FKBP9: variants seen among roughly 807,000 people sequenced by gnomAD.
The protein encoded by FKBP9 is peptidyl-prolyl cis-trans isomerase FKBP9.
In FKBP9, 27 loss-of-function variants were observed where a neutral mutation model predicts 55.6. That is an observed-to-expected ratio of 0.49 (90% CI 0.36 to 0.67). FKBP9 has a LOEUF of 0.67. FKBP9 is among the 30% of genes least tolerant of loss of function. FKBP9 has a pLI of 0.00. For missense variants in FKBP9, 539 were observed against 742.8 expected, an observed-to-expected ratio of 0.73 and a Z score of 3.19; for synonymous variants, 267 against 296.5, an observed-to-expected ratio of 0.90 and a Z score of 1.02.
At chr7:32,999,804 A>T (rs1372240522) in intron 7 of FKBP9, among the ~76,000 whole-genome samples, 1 of 152,076 alleles carries the variant, frequency 6.6e-6, no homozygotes, top group Non-Finnish European at 1.5e-5. Context: ...GTGCAGGGGC[A>T]CGATCCTGGC....
intron 4 of FKBP9, among the ~76,000 whole-genome samples, chr7:32,977,863 A>ATATATATACACT (rs1169334149): frequency 1.2e-4 from 15 of 127,024 alleles, no homozygotes; most frequent in African/African-American, 4.2e-4. Flanking sequence ...ATATATATAT[A>ATATATATACACT]CATGCCCATA....
At chr7:32,971,023 C>G (rs920711811) in intron 1 of FKBP9, among the ~76,000 whole-genome samples, 7 of 150,608 alleles carry the variant, frequency 4.6e-5, no homozygotes, top group African/African-American at 1.7e-4. Context: ...GTGCACAACC[C>G]CATTATTAAA....
In FKBP9 at chr7:32,957,593, GGCCCCCGCC is replaced by G; in HGVS notation, c.24_32del (p.Pro10_Pro12del). 6.8e-7 allele frequency: 1 copy of G among 1,473,028 alleles called. No individual in the cohort carries two copies. The highest frequency in any genetic ancestry group is 8.9e-7 in the Non-Finnish European group (1 of 1,121,106). The allele number at this position is 1,473,028 out of a possible 1,614,324, so 91.2% of individuals were successfully genotyped here. A position where few individuals can be genotyped will look rare whatever the true frequency, so the allele number is the denominator to read the frequency against. ...GCCCCGATGGCGTTCCGGGGCTGGA[GGCCCCCGCC>G]GCCACCGCTGCTCCTGCTGCTGCTC... On this transcript the variant is annotated inframe_deletion, in exon 1 of 10. Coordinates refer to ENST00000242209, the MANE Select transcript of FKBP9 (RefSeq NM_007270.5).
chr7:32,994,853 C>T (rs916800402), intron 6 of FKBP9: 10 of 179,246 alleles, frequency 5.6e-5, no homozygotes, highest in Non-Finnish European at 7.2e-5. Context: ...CAGAAAAGTA[C>T]GTGTTGGGAC....
chr7:32,978,197 C>T (rs1784403134), intron 4 of FKBP9, among the ~76,000 whole-genome samples: 2 of 151,818 alleles, frequency 1.3e-5, no homozygotes, highest in African/African-American at 2.4e-5. Flanking sequence ...GCTGGGATTA[C>T]AGGTGTGAAC....
intron 4 of FKBP9, chr7:32,979,478 AGAT>A (rs1399653114): frequency 6.5e-7 from 1 of 1,534,448 alleles, no homozygotes. Context: ...GATGGGAAGG[AGAT>A]GCAGGGTGGG....
At chr7:32,979,508 T>C in intron 4 of FKBP9, 1 of 1,550,448 alleles carries the variant, frequency 6.4e-7, no homozygotes, top group South Asian at 1.2e-5. Context: ...CAAAGGCCAG[T>C]GGAAGGAGCT....
Position 32,957,465 on chromosome 7 carries a change from G to T in FKBP9, c.-109G>T, listed in dbSNP as rs923976839. The T allele has an allele frequency of 6.2e-6, 5 of 809,842 alleles. No individual in the cohort carries two copies. Among genetic ancestry groups the T allele is most frequent in the African/African-American group, 1.8e-5 (1 of 55,144 alleles). The allele number at this position is 809,842 out of a possible 1,614,324, so 50.2% of individuals were successfully genotyped here. On this transcript the variant is annotated 5_prime_UTR_variant, in exon 1 of 10. Transcript: ENST00000242209. Reference sequence around the variant, plus strand: ...GAGACGGGGTGGCGGCTGCAGCCCGGGTAGGGCCAGGAGACCCGGTCCACG... The same window carrying T: ...GAGACGGGGTGGCGGCTGCAGCCCGTGTAGGGCCAGGAGACCCGGTCCACG...
chr7:32,996,138 T>A, intron 6 of FKBP9, 25 bp from the exon 7 acceptor site: 5 of 1,610,946 alleles, frequency 3.1e-6, no homozygotes, highest in Non-Finnish European at 4.2e-6. Flanking sequence ...GGGTCATTCA[T>A]TAATTCCCCG....
intron 6 of FKBP9, 33 bp downstream of exon 6, chr7:32,988,685 G>C: frequency 6.2e-7 from 1 of 1,607,892 alleles, no homozygotes; most frequent in Non-Finnish European, 8.5e-7. Context: ...TTCCTCACTA[G>C]CTGTGGCTGC....
chr7:32,989,804 G>A (rs1226429516), intron 6 of FKBP9, among the ~76,000 whole-genome samples: 2 of 152,020 alleles, frequency 1.3e-5, no homozygotes, highest in South Asian at 4.1e-4. Flanking sequence ...GAACCTGTGA[G>A]TATGTTACCT....
intron 7 of FKBP9, among the ~76,000 whole-genome samples, chr7:32,997,572 G>A (rs1358721235): frequency 4.6e-5 from 7 of 152,346 alleles, no homozygotes; most frequent in Non-Finnish European, 8.8e-5. Flanking sequence ...GCTCATGCCT[G>A]TAATCCTAGC....
intron 1 of FKBP9, among the ~76,000 whole-genome samples, chr7:32,969,143 TC>T (rs1784206229): frequency 1.3e-5 from 2 of 152,224 alleles, no homozygotes; most frequent in South Asian, 2.1e-4. Context: ...TAGATATTAA[TC>T]CCTTATCATA....
rs556603690 is a variant in FKBP9, at chr7:32,994,947, A to G, written c.1040-1216A>G. ...TGTGTTATTCTCTTGAATAAGTAAT[A>G]TCATGTCTGAATTTTTCATTTCTTT... On this transcript the variant is annotated intron_variant, in intron 6 of 9. Transcript: ENST00000242209. 3 of 168,206 alleles carry G rather than the reference A, an allele frequency of 1.8e-5. No individual in the cohort carries two copies. In the South Asian group the frequency reaches 6.0e-4, roughly 34 times the overall value. 10.4% of individuals were successfully genotyped at this position (168,206 alleles called of 1,614,324 possible).
In FKBP9 at chr7:32,999,770, T is replaced by A. The variant is rs144607447; in HGVS notation, c.1227-345T>A. ...TCTTGTTTTTGTTTTTGAGACAGAG[T>A]CTCACTCTGTCTCACAGGCTGGAGT... On this transcript the variant is annotated intron_variant, in intron 7 of 9. Transcript: ENST00000242209. Among the ~76,000 whole-genome samples the A allele has an allele frequency of 2.3e-3, 351 of 152,014 alleles. 1 individual carries two copies. The highest frequency in any genetic ancestry group is 8.1e-3 in the African/African-American group (336 of 41,458).
At chr7:32,967,713 G>A (rs1013419047) in intron 1 of FKBP9, among the ~76,000 whole-genome samples, 23 of 152,260 alleles carry the variant, frequency 1.5e-4, no homozygotes, top group African/African-American at 4.8e-4. Context: ...TATCTGAGTT[G>A]TTGTTTTGTT....
chr7:32,987,256 G>A (rs1784597788), intron 5 of FKBP9, among the ~76,000 whole-genome samples: 1 of 152,178 alleles, frequency 6.6e-6, no homozygotes, highest in African/African-American at 2.4e-5. Context: ...CACACTTTCG[G>A]AGGCCAGGGC....
chr7:32,963,822 G>A (rs963480307), intron 1 of FKBP9: 12 of 1,153,368 alleles, frequency 1.0e-5, no homozygotes, highest in Admixed American at 4.2e-5. Context: ...CAGCACCAGC[G>A]CCGACAAACT....
intron 1 of FKBP9, among the ~76,000 whole-genome samples, chr7:32,970,982 C>A (rs1466404815): frequency 1.1e-4 from 16 of 150,404 alleles, no homozygotes; most frequent in Non-Finnish European, 1.5e-5. Flanking sequence ...GAACACCTTT[C>A]AGTTTTTCAC....
Sources: allele counts gnomAD v4.1 joint callset (sites outside exome capture counted in the v4.1 genomes callset), GRCh38; gene constraint gnomAD v4.1.1; transcripts MANE v1.5; gene names NCBI Gene and HGNC (gene_info 2026-07-23, HGNC 2026-07-21).